Variants in RNASEL observed in about 807,000 individuals in gnomAD.
RNASEL encodes the protein 2-5A-dependent ribonuclease.
In RNASEL, 36 loss-of-function variants were observed where a neutral mutation model predicts 50.9. The ratio of observed to expected loss-of-function variants is 0.71; its 90% CI spans 0.54 to 0.93. The LOEUF (loss-of-function observed/expected upper bound fraction) is 0.93. Among genes scored for constraint, RNASEL ranks in the 40% least tolerant of loss-of-function variants. The pLI is 0.00. For synonymous variants in RNASEL, 335 were observed against 335.6 expected, an observed-to-expected ratio of 1.00 and a Z score of 0.02; for missense variants, 860 against 894.5, an observed-to-expected ratio of 0.96 and a Z score of 0.49.
Position 182,586,906 on chromosome 1 carries a change from G to A in RNASEL, c.-100C>T. 6.7e-7 allele frequency: 1 copy of A among 1,492,950 alleles called. No individual in the cohort carries two copies. Among genetic ancestry groups the A allele is most frequent in the Non-Finnish European group, 9.3e-7 (1 of 1,078,754 alleles). The allele number at this position is 1,492,950 out of a possible 1,614,324, so 92.5% of individuals were successfully genotyped here. Reference sequence around the variant, plus strand: ...CAAAGAAGCTTTGAGTGTAAATTGGGATTCTCTGGCAACAGAGCAGCAGTA... The same window carrying A: ...CAAAGAAGCTTTGAGTGTAAATTGGAATTCTCTGGCAACAGAGCAGCAGTA... On this transcript the variant is annotated 5_prime_UTR_variant, in exon 2 of 7. Coordinates refer to ENST00000367559, the MANE Select transcript of RNASEL (RefSeq NM_021133.4).
intron 5 of RNASEL, chr1:182,580,140 CT>C (rs552998477): frequency 1.8e-4 from 61 of 342,224 alleles, no homozygotes; most frequent in Non-Finnish European, 3.2e-4. Context: ...ACTATCATAG[CT>C]GCTTTCAAAT....
rs1386835412 is a variant in RNASEL, at chr1:182,575,352, A to G, written c.*40T>C. On this transcript the variant is annotated 3_prime_UTR_variant, in exon 7 of 7. Coordinates refer to ENST00000367559, the MANE Select transcript of RNASEL (RefSeq NM_021133.4). The stretch of plus-strand genomic sequence containing the variant: ...TGTTGTGATTTGCCAAGGACTCTAC[A>G]GCTAATAAGTAGTTCCCTGAACTCC... The G allele has an allele frequency of 1.2e-6, 2 of 1,603,022 alleles. No individual in the cohort carries two copies. Among genetic ancestry groups the G allele is most frequent in the Non-Finnish European group, 8.5e-7 (1 of 1,170,818 alleles).
intron 5 of RNASEL, chr1:182,576,734 G>A (rs988558489): frequency 2.5e-4 from 52 of 204,188 alleles, no homozygotes; most frequent in Non-Finnish European, 3.6e-4. Flanking sequence ...TTAGCCAGGC[G>A]TGGTGGCGCT....
At chr1:182,587,834 A>G (rs1447433599) in intron 1 of RNASEL, among the ~76,000 whole-genome samples, 1 of 152,130 alleles carries the variant, frequency 6.6e-6, no homozygotes, top group African/African-American at 2.4e-5. Context: ...TATCTGACTT[A>G]TGTTTTTTGA....
At position 182,586,344 on chromosome 1, in the gene RNASEL, G is replaced by A. The variant is rs766020877; in HGVS notation, c.463C>T (p.Arg155Ter). ...CGCTCTTGATCCTCCTTTGTCTTTC[G>A]CCTCAAATTCACATTTGCTCCTCTC... Reference protein sequence around the residue: ...YKRGANVNLRRKTKEDQERLR... With the variant: ...YKRGANVNLR Residue 155 changes from arginine to a stop codon, truncating the protein, a stop_gained, in exon 2 of 7, where the codon CGA (arginine) becomes TGA (stop). Transcript: ENST00000367559. LOFTEE classifies it high-confidence loss of function. The A allele has an allele frequency of 6.2e-6, 10 of 1,613,954 alleles. No individual in the cohort carries two copies. The East Asian group carries it at 8.9e-5, about 14-fold the overall frequency.
At chr1:182,588,099 G>A (rs1369823299) in intron 1 of RNASEL, among the ~76,000 whole-genome samples, 1 of 152,200 alleles carries the variant, frequency 6.6e-6, no homozygotes, top group African/African-American at 2.4e-5. Context: ...TAGATTAGGT[G>A]TATTAAATGT....
chr1:182,587,575 A>G (rs983302463), intron 1 of RNASEL, among the ~76,000 whole-genome samples: 1 of 150,524 alleles, frequency 6.6e-6, no homozygotes, highest in African/African-American at 2.4e-5. Flanking sequence ...ATTGCTTTCA[A>G]TGTCATATAA....
chr1:182,579,166 T>G, intron 5 of RNASEL: 4 of 868,256 alleles, frequency 4.6e-6, no homozygotes, highest in Non-Finnish European at 5.5e-6. Flanking sequence ...AAGCCCAACT[T>G]TACCACTACA....
rs760559342 is a variant in RNASEL at position 182,585,343 on chromosome 1, T to C, written c.1464A>G (p.Pro488=). Residue 488 remains proline, a synonymous_variant, in exon 2 of 7, where the codon CCA becomes CCG. Transcript: ENST00000367559. ...GGGACTCACCTATTAAGATGTTTTG[T>C]GGTTGCAGATCCTGGTGGGTGTATC... ...SCGYTHQDLQ[P]QNILIDSKKA... is the part of the protein sequence containing the mutation. 1.2e-6 allele frequency: 2 copies of C among 1,613,982 alleles called. No homozygotes were observed. The highest frequency in any genetic ancestry group is 3.3e-5 in the Admixed American group (2 of 59,994).
Position 182,585,320 on chromosome 1 carries a change from G to C in RNASEL, c.1480+7C>G, listed in dbSNP as rs771186098. On this transcript the variant is annotated splice_region_variant and intron_variant, in intron 2 of 6. Transcript: ENST00000367559. ...TTCTAAGAGAGAATTGGGGATTGGGGACTCACCTATTAAGATGTTTTGTGG... is the reference window on the plus strand; with the variant it reads ...TTCTAAGAGAGAATTGGGGATTGGGCACTCACCTATTAAGATGTTTTGTGG... The C allele has an allele frequency of 6.2e-7, 1 of 1,613,616 alleles. No individual in the cohort carries two copies. Among genetic ancestry groups the C allele is most frequent in the Non-Finnish European group, 8.5e-7 (1 of 1,179,736 alleles).
At chr1:182,580,574 T>C (rs937288514) in intron 5 of RNASEL, among the ~76,000 whole-genome samples, 5 of 152,248 alleles carry the variant, frequency 3.3e-5, no homozygotes, top group African/African-American at 1.2e-4. Flanking sequence ...CTCAAGGCCT[T>C]GCATGGGCCT....
At chr1:182,581,463 G>GTTTT in intron 4 of RNASEL, 106 bp from the exon 5 acceptor site, 1 of 735,600 alleles carries the variant, frequency 1.4e-6, no homozygotes, top group Non-Finnish European at 2.1e-6. Context: ...TGCTTTCTTG[G>GTTTT]TTTTTCTTTC....
chr1:182,577,953 CCT>C (rs1157727702), intron 5 of RNASEL, among the ~76,000 whole-genome samples: 1 of 151,912 alleles, frequency 6.6e-6, no homozygotes, highest in African/African-American at 2.4e-5. Flanking sequence ...TAAAACTAGA[CCT>C]CTCTCTCTCA....
intron 3 of RNASEL, 112 bp downstream of exon 3, chr1:182,583,969 C>T (rs1661545420): frequency 1.2e-6 from 1 of 812,954 alleles, no homozygotes; most frequent in African/African-American, 1.7e-5. Flanking sequence ...AATAAACTCC[C>T]TTTCATATAT....
In RNASEL at chr1:182,586,465, T is replaced by C. The variant is rs1661598804; in HGVS notation, c.342A>G (p.Lys114=). 1 of 1,613,694 alleles carries C rather than the reference T, an allele frequency of 6.2e-7. No homozygotes were observed. Among genetic ancestry groups the C allele is most frequent in the Non-Finnish European group, 8.5e-7 (1 of 1,179,636 alleles). Residue 114 remains lysine, a synonymous_variant, in exon 2 of 7, where the codon AAA becomes AAG. Transcript: ENST00000367559. ...AATCACACTCATTGACATCTGCTCC[T>C]TTAGAAAGGAAAAGTTTCAGCAGCT... ...SVKLLKLFLS[K]GADVNECDFY...
At chr1:182,576,037 T>A (rs568728127) in intron 6 of RNASEL, among the ~76,000 whole-genome samples, 1 of 152,320 alleles carries the variant, frequency 6.6e-6, no homozygotes, top group African/African-American at 2.4e-5. Context: ...TTACCATTTA[T>A]CCAACAAAAA....
intron 5 of RNASEL, chr1:182,580,108 T>C (rs1661463040): frequency 2.7e-6 from 1 of 372,860 alleles, no homozygotes; most frequent in African/African-American, 2.1e-5. Context: ...ATCATAATGA[T>C]ACTACGTAAT....
Position 182,586,091 on chromosome 1 carries a change from C to T in RNASEL, c.716G>A (p.Gly239Glu). Residue 239 changes from glycine (G) to glutamate (E), a missense_variant, in exon 2 of 7, where the codon GGG (glycine) becomes GAG (glutamate). Transcript: ENST00000367559. The part of the protein sequence containing the change: ...GADVNVRGER[G>E]KTPLILAVEK... ...CACTGCCAGGATCAGGGGAGTCTTCCCTCTTTCTCCCCTCACATTGACATC... is the reference window on the plus strand; with the variant it reads ...CACTGCCAGGATCAGGGGAGTCTTCTCTCTTTCTCCCCTCACATTGACATC... 6.2e-7 allele frequency: 1 copy of T among 1,614,106 alleles called. No individual in the cohort carries two copies. The highest frequency in any genetic ancestry group is 8.5e-7 in the Non-Finnish European group (1 of 1,180,036).
Position 182,586,837 on chromosome 1 carries a change from G to T in RNASEL, c.-31C>A. Reference sequence around the variant, plus strand: ...TAAATGCCACCTGCTACCACTTTTAGCCTTTTCCTTGAGAAAATGCAAATT... The same window carrying T: ...TAAATGCCACCTGCTACCACTTTTATCCTTTTCCTTGAGAAAATGCAAATT... On this transcript the variant is annotated 5_prime_UTR_variant, in exon 2 of 7. Coordinates refer to ENST00000367559, the MANE Select transcript of RNASEL (RefSeq NM_021133.4). The T allele has an allele frequency of 6.2e-7, 1 of 1,613,382 alleles. No homozygotes were observed. The highest frequency in any genetic ancestry group is 8.5e-7 in the Non-Finnish European group (1 of 1,180,012).
Sources: allele counts gnomAD v4.1 joint callset (sites outside exome capture counted in the v4.1 genomes callset), GRCh38; gene constraint gnomAD v4.1.1; transcripts MANE v1.5; gene names NCBI Gene and HGNC (gene_info 2026-07-23, HGNC 2026-07-21).